Variants in AGBL4 observed in about 807,000 individuals in gnomAD.
AGBL4 encodes AGBL carboxypeptidase 4, also known as cytosolic carboxypeptidase 6.
Under a neutral mutation model 66.4 loss-of-function variants are expected in AGBL4, and 58 were observed. That is an observed-to-expected ratio of 0.87 (90% CI 0.71 to 1.09). AGBL4 has a LOEUF of 1.09. AGBL4 is among the 50% of genes least tolerant of loss of function. The pLI, the probability that AGBL4 is intolerant of heterozygous loss-of-function variation, is 0.00. For missense variants in AGBL4, 579 were observed against 631.0 expected, an observed-to-expected ratio of 0.92 and a Z score of 0.88; for synonymous variants, 234 against 222.9, an observed-to-expected ratio of 1.05 and a Z score of -0.44.
At chr1:49,370,167 A>G (rs945296426) in intron 3 of AGBL4, among the ~76,000 whole-genome samples, 1 of 147,872 alleles carries the variant, frequency 6.8e-6, no homozygotes, top group African/African-American at 2.5e-5. Context: ...TATATATAAT[A>G]TATAATTGTA....
intron 1 of AGBL4, among the ~76,000 whole-genome samples, chr1:50,023,148 G>A (rs957804018): frequency 6.6e-6 from 1 of 152,130 alleles, no homozygotes; most frequent in African/African-American, 2.4e-5. Flanking sequence ...CTGGGGCTCC[G>A]GGTATCCCCT....
intron 6 of AGBL4, among the ~76,000 whole-genome samples, chr1:48,735,570 G>A (rs1648909027): frequency 6.6e-6 from 1 of 151,832 alleles, no homozygotes; most frequent in Non-Finnish European, 1.5e-5. Context: ...GGGAGGAAGA[G>A]AAAATTCCAG....
At chr1:48,686,135 G>A (rs1646527449) in intron 6 of AGBL4, among the ~76,000 whole-genome samples, 1 of 152,152 alleles carries the variant, frequency 6.6e-6, no homozygotes, top group Non-Finnish European at 1.5e-5. Flanking sequence ...AAGTCACTCA[G>A]CTTGTTAATA....
intron 2 of AGBL4, among the ~76,000 whole-genome samples, chr1:49,722,532 A>C (rs1299995890): frequency 1.3e-5 from 2 of 152,168 alleles, no homozygotes; most frequent in Non-Finnish European, 2.9e-5. Context: ...ATGAATAATT[A>C]ATGTTTTATA....
chr1:49,122,323 T>C (rs181682252), intron 4 of AGBL4, among the ~76,000 whole-genome samples: 1 of 152,316 alleles, frequency 6.6e-6, no homozygotes, highest in East Asian at 1.9e-4. Context: ...ACCGGAGCTG[T>C]TCCTATTTGT....
intron 3 of AGBL4, among the ~76,000 whole-genome samples, chr1:49,509,018 C>T (rs1035646579): frequency 2.0e-5 from 3 of 151,634 alleles, no homozygotes; most frequent in African/African-American, 7.3e-5. Flanking sequence ...CCCAAACACC[C>T]CAAACACAAA....
Position 48,730,610 on chromosome 1 carries a change from AG to A in AGBL4, c.635-67370del, listed in dbSNP as rs1647953496. Among the ~76,000 whole-genome samples the A allele has an allele frequency of 2.0e-5, 3 of 152,224 alleles. No homozygotes were observed. In the South Asian group the frequency reaches 6.2e-4, roughly 32 times the overall value. ...GCAAATGGAGGAAGGTTTTTGGAGG[AG>A]CCCCCATAGAATTTCAATCATTCTC... is the stretch of plus-strand genomic sequence containing the variant. On this transcript the variant is annotated intron_variant, in intron 6 of 13. Coordinates refer to ENST00000371839, the MANE Select transcript of AGBL4 (RefSeq NM_032785.4).
intron 3 of AGBL4, among the ~76,000 whole-genome samples, chr1:49,503,068 A>C (rs1648325782): frequency 6.6e-6 from 1 of 151,996 alleles, no homozygotes; most frequent in Non-Finnish European, 1.5e-5. Flanking sequence ...AGGAGGGAAA[A>C]AATGGTGTCT....
chr1:49,913,440 C>T (rs1398215102), intron 1 of AGBL4, among the ~76,000 whole-genome samples: 2 of 152,258 alleles, frequency 1.3e-5, no homozygotes, highest in African/African-American at 4.8e-5. Flanking sequence ...CCAGGGCACA[C>T]TGGTGTGGAT....
At chr1:49,557,433 G>A (rs2148848385) in intron 3 of AGBL4, among the ~76,000 whole-genome samples, 1 of 152,140 alleles carries the variant, frequency 6.6e-6, no homozygotes, top group Admixed American at 6.5e-5. Context: ...CCCACAACCT[G>A]GCAGCAGCAG....
Position 49,881,441 on chromosome 1 carries a change from C to A in AGBL4, c.35-29923G>T, listed in dbSNP as rs564735947. 6.3e-4 allele frequency among the ~76,000 whole-genome samples: 96 copies of A among 151,880 alleles called. 1 individual carries two copies. Among genetic ancestry groups the A allele is most frequent in the East Asian group, 1.7e-3 (9 of 5,158 alleles). On this transcript the variant is annotated intron_variant, in intron 1 of 13. Transcript: ENST00000371839. The stretch of plus-strand genomic sequence containing the variant: ...TGGGTCAAATGGTATTTCTAGTTCT[C>A]GATCCCTGAGGAATCGCCACACTGA...
chr1:49,027,182 C>T (rs1244818272), intron 5 of AGBL4, among the ~76,000 whole-genome samples: 3 of 151,856 alleles, frequency 2.0e-5, no homozygotes, highest in Admixed American at 6.6e-5. Flanking sequence ...TTTTTTGAGA[C>T]GGAGTTTCAC....
rs569226587 is a variant in AGBL4, at chr1:48,782,758, ACATTGACACAT to A, written c.634+84422_634+84432del. ...TATATCTGTTGCAACTGATGAACCT[ACATTGACACAT>A]CATCATCACCCAAAGTCCACAGTTT... On this transcript the variant is annotated intron_variant, in intron 6 of 13. Coordinates refer to ENST00000371839, the MANE Select transcript of AGBL4 (RefSeq NM_032785.4). 2.2e-3 allele frequency among the ~76,000 whole-genome samples: 332 copies of A among 152,364 alleles called. 1 individual carries two copies. The highest frequency in any genetic ancestry group is 3.3e-3 in the Non-Finnish European group (226 of 68,032).
chr1:48,616,825 C>T (rs536206904), intron 9 of AGBL4, among the ~76,000 whole-genome samples: 1 of 152,336 alleles, frequency 6.6e-6, no homozygotes, highest in East Asian at 1.9e-4. Flanking sequence ...TTAAAGGAGG[C>T]CTTTGCCTCT....
At chr1:49,465,686 T>C (rs896085836) in intron 3 of AGBL4, among the ~76,000 whole-genome samples, 2 of 151,734 alleles carry the variant, frequency 1.3e-5, no homozygotes, top group Non-Finnish European at 2.9e-5. Flanking sequence ...ACTGACAAAC[T>C]AAAGGGAATG....
At chr1:49,108,728 C>T (rs186397785) in intron 4 of AGBL4, among the ~76,000 whole-genome samples, 105 of 152,262 alleles carry the variant, frequency 6.9e-4, no homozygotes, top group African/African-American at 2.2e-3. Context: ...ATTAACATAA[C>T]ATGAATTTTT....
chr1:49,264,225 T>C (rs1419913152), intron 3 of AGBL4, among the ~76,000 whole-genome samples: 3 of 152,110 alleles, frequency 2.0e-5, no homozygotes, highest in Admixed American at 6.6e-5. Flanking sequence ...ATCTGAAAGA[T>C]GACAAAATGT....
chr1:49,367,740 T>G (rs1644266965), intron 3 of AGBL4, among the ~76,000 whole-genome samples: 1 of 152,228 alleles, frequency 6.6e-6, no homozygotes, highest in Admixed American at 6.5e-5. Flanking sequence ...AATTAATCAC[T>G]TTTTATGTTT....
At chr1:48,798,073 GCACTAGTTTA>G (rs1220517570) in intron 6 of AGBL4, among the ~76,000 whole-genome samples, 1 of 152,252 alleles carries the variant, frequency 6.6e-6, no homozygotes, top group East Asian at 1.9e-4. Context: ...CAGAGTGGTT[GCACTAGTTTA>G]CATTCCCACA....
Sources: gnomAD v4.1 joint callset for allele counts (sites outside exome capture counted in the v4.1 genomes callset) on GRCh38, gnomAD v4.1.1 for gene constraint, MANE v1.5 for transcripts, NCBI Gene and HGNC (gene_info 2026-07-23, HGNC 2026-07-21) for gene names.